The following ANKS1A variants were observed in gnomAD, a reference collection of about 807,000 sequenced individuals.
The protein encoded by ANKS1A is ankyrin repeat and SAM domain-containing protein 1A.
In ANKS1A, 55 loss-of-function variants were observed where a neutral mutation model predicts 120.3. That is an observed-to-expected ratio of 0.46 (90% CI 0.37 to 0.57). ANKS1A has a LOEUF of 0.57. Ranked by LOEUF, ANKS1A falls within the 20% of genes least tolerant of loss-of-function variation. The probability of loss-of-function intolerance (pLI) is 0.00; values close to 1 mark genes in which losing one functional copy is unlikely to be tolerated. For missense variants in ANKS1A, 1,123 were observed against 1,480.3 expected (o/e 0.76, Z 3.96); for synonymous variants, 590 against 604.7 (o/e 0.98, Z 0.36).
intron 3 of ANKS1A, among the ~76,000 whole-genome samples, chr6:34,973,652 A>C (rs1771294474): frequency 6.6e-6 from 1 of 152,210 alleles, no homozygotes; most frequent in Admixed American, 6.5e-5. Context: ...TCCAAACACA[A>C]GGCAGATATT....
intron 13 of ANKS1A, among the ~76,000 whole-genome samples, chr6:35,076,065 A>G (rs1777339134): frequency 6.6e-6 from 1 of 152,188 alleles, no homozygotes; most frequent in African/African-American, 2.4e-5. Flanking sequence ...GCACCTGGCC[A>G]ATTTTCTTAT....
intron 2 of ANKS1A, among the ~76,000 whole-genome samples, chr6:34,969,511 T>G (rs1159638647): frequency 1.3e-5 from 2 of 152,228 alleles, no homozygotes; most frequent in Admixed American, 1.3e-4. Context: ...CGCCTCAGCC[T>G]TCCAAAGTGC....
Position 35,017,539 on chromosome 6 carries a change from A to G in ANKS1A, c.1490A>G (p.Glu497Gly). 1.2e-6 allele frequency: 2 copies of G among 1,614,022 alleles called. No homozygotes were observed. Among genetic ancestry groups the G allele is most frequent in the Non-Finnish European group, 1.7e-6 (2 of 1,179,980 alleles). The change falls in exon 11 of 24, where the codon GAG (glutamate) becomes GGG (glycine). Residue 497 changes from glutamate (E) to glycine (G), a missense_variant. Coordinates refer to ENST00000360359, the MANE Select transcript of ANKS1A (RefSeq NM_015245.3). Reference protein sequence around the residue: ...SAEGQDGQVPEQFSGLLHGSS... With the variant: ...SAEGQDGQVPGQFSGLLHGSS... Reference sequence around the variant, plus strand: ...GAGGGGCAGGACGGGCAGGTCCCAGAGCAGTTCTCAGGCCTCCTCCACGGC... The same window carrying G: ...GAGGGGCAGGACGGGCAGGTCCCAGGGCAGTTCTCAGGCCTCCTCCACGGC...
chr6:34,988,907 T>C (rs1226651605), intron 8 of ANKS1A, among the ~76,000 whole-genome samples: 3 of 152,248 alleles, frequency 2.0e-5, no homozygotes, highest in Non-Finnish European at 4.4e-5. Flanking sequence ...AAGTTTTATG[T>C]ATCAGTATTA....
chr6:35,032,399 A>G (rs891366665), intron 11 of ANKS1A, among the ~76,000 whole-genome samples: 2 of 152,220 alleles, frequency 1.3e-5, no homozygotes, highest in East Asian at 1.9e-4. Flanking sequence ...CAGGCACTAC[A>G]TGCTTTGCTG....
At chr6:34,994,181 C>T (rs1772723142) in intron 9 of ANKS1A, 121 bp from the exon 10 acceptor site, 8 of 1,304,934 alleles carry the variant, frequency 6.1e-6, no homozygotes, top group Non-Finnish European at 8.4e-6. Flanking sequence ...AATTATTCAC[C>T]TTCTCTTTTC....
chr6:34,999,892 AAGAG>A (rs1233126013), intron 10 of ANKS1A, among the ~76,000 whole-genome samples: 2 of 152,050 alleles, frequency 1.3e-5, no homozygotes, highest in Non-Finnish European at 2.9e-5. Flanking sequence ...AGAAAAGAGA[AAGAG>A]AGACAGAGAA....
chr6:34,969,783 G>C (rs964669470), intron 2 of ANKS1A, among the ~76,000 whole-genome samples: 1 of 152,218 alleles, frequency 6.6e-6, no homozygotes, highest in African/African-American at 2.4e-5. Flanking sequence ...CCTAAACAGA[G>C]AGGTGATGAG....
At chr6:34,912,786 C>G (rs1052119732) in intron 1 of ANKS1A, among the ~76,000 whole-genome samples, 1 of 152,094 alleles carries the variant, frequency 6.6e-6, no homozygotes, top group Non-Finnish European at 1.5e-5. Flanking sequence ...GATTGAAAAG[C>G]GAAATTGATT....
intron 3 of ANKS1A, among the ~76,000 whole-genome samples, chr6:34,973,999 C>A (rs1224282795): frequency 1.2e-5 from 1 of 81,492 alleles, no homozygotes; most frequent in Non-Finnish European, 2.3e-5. Context: ...CCTTGTGCTT[C>A]CCCTTCCCCT....
chr6:34,914,866 T>C (rs766532937), intron 1 of ANKS1A, among the ~76,000 whole-genome samples: 1 of 152,100 alleles, frequency 6.6e-6, no homozygotes, highest in South Asian at 2.1e-4. Context: ...AGCAGTAAAG[T>C]TGTCTCTTCC....
At chr6:35,087,914 T>G (rs1778080848) in intron 23 of ANKS1A, among the ~76,000 whole-genome samples, 1 of 152,216 alleles carries the variant, frequency 6.6e-6, no homozygotes, top group Admixed American at 6.5e-5. Context: ...CCTGGCAGCC[T>G]TGGGCCTGGC....
At chr6:34,929,127 A>G (rs1255998967) in intron 1 of ANKS1A, among the ~76,000 whole-genome samples, 1 of 152,248 alleles carries the variant, frequency 6.6e-6, no homozygotes, top group African/African-American at 2.4e-5. Flanking sequence ...GCTAATGCAT[A>G]CCTTCATAAA....
At chr6:35,078,732 C>A in intron 14 of ANKS1A, 76 bp downstream of exon 14, 4 of 1,398,752 alleles carry the variant, frequency 2.9e-6, no homozygotes, top group Non-Finnish European at 4.0e-6. Context: ...GCACCAAGAA[C>A]AGGGGAGGAG....
rs369058292 is a variant in ANKS1A at position 34,967,602 on chromosome 6, G to A, written c.278+283G>A. Among the ~76,000 whole-genome samples, 29 of 152,106 alleles carry A rather than the reference G, an allele frequency of 1.9e-4. No individual in the cohort carries two copies. The South Asian group carries it at 5.8e-3, about 31-fold the overall frequency. On this transcript the variant is annotated intron_variant, in intron 2 of 23. Transcript: ENST00000360359. ...AGTCCTAGCTACTCAGGAGGCTAAG[G>A]CAGGAGGATTGCTTAAGCCCAGGAG...
Position 35,091,358 on chromosome 6 carries a change from CA to C in ANKS1A, c.*2750del. Reference sequence around the variant, plus strand: ...TGGTTTTGTTATTTTCATAACTGTACACAACTTAGAACAGACTGAATTAATA... The same window carrying C: ...TGGTTTTGTTATTTTCATAACTGTACCAACTTAGAACAGACTGAATTAATA... On this transcript the variant is annotated 3_prime_UTR_variant, in exon 24 of 24. Coordinates refer to ENST00000360359, the MANE Select transcript of ANKS1A (RefSeq NM_015245.3). 1.0e-6 allele frequency: 1 copy of C among 985,524 alleles called. No individual in the cohort carries two copies. Among genetic ancestry groups the C allele is most frequent in the Non-Finnish European group, 1.2e-6 (1 of 829,922 alleles). The allele number at this position is 985,524 out of a possible 1,614,324, so 61.0% of individuals were successfully genotyped here.
At position 34,982,985 on chromosome 6, in the gene ANKS1A, G is replaced by A; in HGVS notation, c.809-128G>A. On this transcript the variant is annotated intron_variant, in intron 5 of 23. Coordinates refer to ENST00000360359, the MANE Select transcript of ANKS1A (RefSeq NM_015245.3). This position sits in a 1 kb window ranked among gnomAD's most constrained non-coding sequence, Gnocchi z 4.9. ...TGTGTAAACTGTTCTTGAATAGCTG[G>A]ATTAAATGGCTCTGGATGAAAAATG... 1.6e-6 allele frequency: 2 copies of A among 1,238,262 alleles called. No homozygotes were observed. Among genetic ancestry groups the A allele is most frequent in the Non-Finnish European group, 1.2e-6 (1 of 850,340 alleles). The allele number at this position is 1,238,262 out of a possible 1,614,324, so 76.7% of individuals were successfully genotyped here. A position where few individuals can be genotyped will look rare whatever the true frequency, so the allele number is the denominator to read the frequency against.
chr6:34,981,639 T>C, intron 3 of ANKS1A, 51 bp from the exon 4 acceptor site: 1 of 1,577,750 alleles, frequency 6.3e-7, no homozygotes, highest in East Asian at 2.3e-5. Flanking sequence ...CCCAGTCAGG[T>C]GCCTGTCTGC....
chr6:34,909,538 A>G (rs1767808017), intron 1 of ANKS1A, among the ~76,000 whole-genome samples: 1 of 152,244 alleles, frequency 6.6e-6, no homozygotes, highest in African/African-American at 2.4e-5. Context: ...GAATGAATTA[A>G]GTTAATTTAG....
Sources: allele counts gnomAD v4.1 joint callset (sites outside exome capture counted in the v4.1 genomes callset), GRCh38; gene constraint gnomAD v4.1.1; non-coding constraint Gnocchi (gnomAD v3.1); transcripts MANE v1.5; gene names NCBI Gene and HGNC (gene_info 2026-07-23, HGNC 2026-07-21).